The following MAMDC2 variants were observed in gnomAD, a reference collection of about 807,000 sequenced individuals.
The protein encoded by MAMDC2 is MAM domain containing 2.
In MAMDC2, 57 loss-of-function variants were observed where a neutral mutation model predicts 89.8. That is an observed-to-expected ratio of 0.63 (90% CI 0.51 to 0.79). The LOEUF (loss-of-function observed/expected upper bound fraction) is 0.79, where lower values mean the gene tolerates loss of function less well. Ranked by LOEUF, MAMDC2 falls within the 30% of genes least tolerant of loss-of-function variation. MAMDC2 has a pLI of 0.00. For synonymous variants in MAMDC2, 313 were observed against 293.4 expected, an observed-to-expected ratio of 1.07 and a Z score of -0.68; for missense variants, 800 against 820.6, an observed-to-expected ratio of 0.97 and a Z score of 0.31.
intron 12 of MAMDC2, 48 bp from the exon 13 acceptor site, chr9:70,225,702 G>T: frequency 8.1e-7 from 1 of 1,234,724 alleles, no homozygotes; most frequent in Non-Finnish European, 1.2e-6. Context: ...GACCAGCACT[G>T]TAATCAGGAT....
chr9:70,182,430 G>A (rs1162861445), intron 11 of MAMDC2, among the ~76,000 whole-genome samples: 1 of 152,188 alleles, frequency 6.6e-6, no homozygotes, highest in Non-Finnish European at 1.5e-5. Flanking sequence ...AGAAGGAATG[G>A]TACCAGCTCC....
chr9:70,096,162 C>T (rs139196885), intron 2 of MAMDC2, among the ~76,000 whole-genome samples: 248 of 152,046 alleles, frequency 1.6e-3, no homozygotes, highest in African/African-American at 5.8e-3. Flanking sequence ...GTAGCTGGGA[C>T]CACAGGTGCC....
intron 2 of MAMDC2, among the ~76,000 whole-genome samples, chr9:70,098,654 T>G (rs1389205809): frequency 6.6e-6 from 1 of 152,214 alleles, no homozygotes; most frequent in East Asian, 1.9e-4. Flanking sequence ...AAGAAAAGGT[T>G]GTTTTCCTGC....
chr9:70,046,528 G>C (rs893120679), intron 2 of MAMDC2, among the ~76,000 whole-genome samples: 1 of 152,178 alleles, frequency 6.6e-6, no homozygotes, highest in African/African-American at 2.4e-5. Context: ...CAGGATGGGG[G>C]CCCCCTCACA....
chr9:70,163,945 T>C, intron 9 of MAMDC2, among the ~76,000 whole-genome samples: 1 of 129,608 alleles, frequency 7.7e-6, no homozygotes. Flanking sequence ...AGAGTGAGAC[T>C]CTGTCTCAAA....
chr9:70,101,799 T>C (rs1233171277), intron 2 of MAMDC2, among the ~76,000 whole-genome samples: 1 of 152,236 alleles, frequency 6.6e-6, no homozygotes, highest in Admixed American at 6.5e-5. Flanking sequence ...GATGCATGAC[T>C]GTACATCATT....
chr9:70,078,802 G>A (rs1003916301), intron 2 of MAMDC2, among the ~76,000 whole-genome samples: 7 of 152,076 alleles, frequency 4.6e-5, no homozygotes, highest in African/African-American at 1.7e-4. Flanking sequence ...TTTCTCAGCT[G>A]TTAATTAAGA....
chr9:70,218,889 A>T (rs1297648112), intron 12 of MAMDC2, among the ~76,000 whole-genome samples: 1 of 152,214 alleles, frequency 6.6e-6, no homozygotes, highest in African/African-American at 2.4e-5. Context: ...TCTATGTATC[A>T]TGCATATCTC....
chr9:70,209,025 C>T (rs1167531556), intron 11 of MAMDC2, among the ~76,000 whole-genome samples: 6 of 152,082 alleles, frequency 3.9e-5, no homozygotes, highest in African/African-American at 9.7e-5. Flanking sequence ...CTGCTGGATT[C>T]GGTTTGCCAG....
Position 70,126,223 on chromosome 9 carries a change from C to T in MAMDC2, c.708C>T (p.Ser236=), listed in dbSNP as rs1403532709. Residue 236 remains serine (S), a synonymous_variant, in exon 6 of 14, where the codon TCC becomes TCT. Transcript: ENST00000377182. ...KHFQEVAQLI[S]PLTTAPMAGC... ...TCCAGGAGGTGGCACAGCTCATCTC[C>T]CCGTTGACCACGGCCCCCATGGCTG... is the stretch of plus-strand genomic sequence containing the variant. 1 of 1,614,132 alleles carries T rather than the reference C, an allele frequency of 6.2e-7. No homozygotes were observed. The highest frequency in any genetic ancestry group is 8.5e-7 in the Non-Finnish European group (1 of 1,180,026).
At chr9:70,198,557 T>A (rs2309642) in intron 11 of MAMDC2, among the ~76,000 whole-genome samples, 96,965 of 151,900 alleles carry the variant, frequency 0.64, 31,738 homozygotes, top group Non-Finnish European at 0.71. Flanking sequence ...TTTCTCCCAC[T>A]GACTCCCCCA....
At chr9:70,047,310 C>T (rs1826776471) in intron 2 of MAMDC2, among the ~76,000 whole-genome samples, 1 of 151,990 alleles carries the variant, frequency 6.6e-6, no homozygotes. Flanking sequence ...AGGTTTTAAG[C>T]CCCGCATGCT....
intron 8 of MAMDC2, among the ~76,000 whole-genome samples, chr9:70,142,668 C>G (rs2031264962): frequency 6.6e-6 from 1 of 152,050 alleles, no homozygotes; most frequent in Non-Finnish European, 1.5e-5. Flanking sequence ...AGATGGCCAC[C>G]TTATCCTGTG....
At chr9:70,208,412 A>C (rs200800073) in intron 11 of MAMDC2, among the ~76,000 whole-genome samples, 1 of 152,086 alleles carries the variant, frequency 6.6e-6, no homozygotes, top group African/African-American at 2.4e-5. Context: ...TGGGAAGTTC[A>C]CTCATGATTT....
intron 11 of MAMDC2, among the ~76,000 whole-genome samples, chr9:70,208,864 C>A (rs562028918): frequency 2.0e-5 from 3 of 152,112 alleles, no homozygotes; most frequent in Non-Finnish European, 2.9e-5. Flanking sequence ...TTGTCAAAGG[C>A]CTTTTCTGTG....
intron 12 of MAMDC2, among the ~76,000 whole-genome samples, chr9:70,225,030 T>C (rs1253118358): frequency 6.6e-6 from 1 of 152,228 alleles, no homozygotes; most frequent in African/African-American, 2.4e-5. Context: ...CAAATGTGTC[T>C]TCTGAACAAC....
intron 4 of MAMDC2, 88 bp downstream of exon 4, chr9:70,109,892 A>C: frequency 9.4e-7 from 1 of 1,061,228 alleles, no homozygotes; most frequent in Admixed American, 1.8e-5. Context: ...AATCCTAAAG[A>C]CCAACTATTT....
intron 7 of MAMDC2, among the ~76,000 whole-genome samples, chr9:70,132,531 ATT>A (rs11334981): frequency 0.25 from 36,446 of 145,132 alleles, 4,496 homozygotes; most frequent in East Asian, 0.39. Flanking sequence ...GGACTAAGAA[ATT>A]TTTTTTTTTT....
chr9:70,045,358 G>A (rs1238247000), intron 2 of MAMDC2, among the ~76,000 whole-genome samples: 3 of 152,142 alleles, frequency 2.0e-5, no homozygotes, highest in African/African-American at 7.2e-5. Context: ...GGGGTCTTCT[G>A]AAGTGTCATC....
Sources: allele counts gnomAD v4.1 joint callset (sites outside exome capture counted in the v4.1 genomes callset), GRCh38; gene constraint gnomAD v4.1.1; transcripts MANE v1.5; gene names NCBI Gene and HGNC (gene_info 2026-07-23, HGNC 2026-07-21).